Variants in RASAL1 observed in about 807,000 individuals in gnomAD.
RASAL1 encodes RAS protein activator like 1.
A neutral mutation model predicts 96.6 loss-of-function variants in RASAL1; 72 were observed. The observed-to-expected ratio is 0.75, with a 90% CI of 0.62 to 0.91. The LOEUF (loss-of-function observed/expected upper bound fraction) is 0.91. Among genes scored for constraint, RASAL1 ranks in the 40% least tolerant of loss-of-function variants. The pLI is 0.00. For synonymous variants in RASAL1, 405 were observed against 430.4 expected (o/e 0.94, Z 0.73); for missense variants, 1,016 against 1,072.5 (o/e 0.95, Z 0.74).
At chr12:113,131,246 G>GT (rs1306396822) in intron 1 of RASAL1, among the ~76,000 whole-genome samples, 14 of 147,344 alleles carry the variant, frequency 9.5e-5, no homozygotes, top group Non-Finnish European at 1.5e-5. Flanking sequence ...CAGAGCGTGT[G>GT]TGGGGGGGGT....
At chr12:113,134,079 C>G (rs1950566696) in intron 1 of RASAL1, among the ~76,000 whole-genome samples, 1 of 152,198 alleles carries the variant, frequency 6.6e-6, no homozygotes, top group African/African-American at 2.4e-5. Flanking sequence ...AGCCTGGCCT[C>G]AATGCCCTAA....
Position 113,135,439 on chromosome 12 carries a change from A to T in RASAL1, c.24T>A (p.Asn8Lys). 2 of 1,610,048 alleles carry T rather than the reference A, an allele frequency of 1.2e-6. No homozygotes were observed. The highest frequency in any genetic ancestry group is 2.2e-5 in the South Asian group (2 of 90,458). ...GCGCGCGGCCCTCCACCACGCGAAC[A>T]TTCAGGGAGCTGCTCTTGGCCATGG... MAKSSSL[N>K]VRVVEGRALP... The change falls in exon 1 of 21, where the codon AAT becomes AAA. Residue 8 changes from asparagine to lysine, a missense_variant. By Grantham distance (94) the Asn-to-Lys change is moderately conservative. Coordinates refer to ENST00000548055, the MANE Select transcript of RASAL1 (RefSeq NM_001301202.2). This position sits in a 1 kb window ranked among gnomAD's most constrained non-coding sequence, Gnocchi z 5.7.
At chr12:113,107,335 T>C (rs996054702) in intron 14 of RASAL1, 94 bp from the exon 15 acceptor site, 2 of 1,397,750 alleles carry the variant, frequency 1.4e-6, no homozygotes, top group Admixed American at 5.3e-5. Context: ...AAAAGAAGAC[T>C]CATATTGCCG....
chr12:113,100,519 G>A (rs1473469228), intron 20 of RASAL1, 109 bp downstream of exon 20: 22 of 933,246 alleles, frequency 2.4e-5, no homozygotes, highest in East Asian at 1.4e-4. Flanking sequence ...AGCTGATCTC[G>A]AACTCCTGAC....
chr12:113,127,722 T>G, intron 4 of RASAL1, 90 bp downstream of exon 4: 1 of 1,067,204 alleles, frequency 9.4e-7, no homozygotes, highest in South Asian at 1.5e-5. Flanking sequence ...CACTGAAGGC[T>G]CTGTGCTTCA....
Position 113,130,994 on chromosome 12 carries a change from T to G in RASAL1, c.66-53A>C. 1 of 1,416,618 alleles carries G rather than the reference T, an allele frequency of 7.1e-7. No individual in the cohort carries two copies. Among genetic ancestry groups the G allele is most frequent in the South Asian group, 1.2e-5 (1 of 84,560 alleles). 87.8% of individuals were successfully genotyped at this position (1,416,618 alleles called of 1,614,324 possible). Reference sequence around the variant, plus strand: ...AGCAGGTTGAGAGGGCAGCCATGAGTGGAGGGTCCCAGTCATGACACAGGC... The same window carrying G: ...AGCAGGTTGAGAGGGCAGCCATGAGGGGAGGGTCCCAGTCATGACACAGGC... On this transcript the variant is annotated intron_variant, in intron 1 of 20. Transcript: ENST00000548055. The surrounding 1 kb of genome is among the most constrained non-coding windows in gnomAD (Gnocchi z 5.1).
chr12:113,117,091 C>G lies in RASAL1; in HGVS notation c.713G>C (p.Arg238Thr). The G allele has an allele frequency of 6.2e-7, 1 of 1,607,874 alleles. No individual in the cohort carries two copies. Among genetic ancestry groups the G allele is most frequent in the Non-Finnish European group, 8.5e-7 (1 of 1,175,302 alleles). Residue 238 changes from arginine to threonine, a missense_variant, in exon 8 of 21, where the codon AGA becomes ACA. Arg to Thr is a moderately conservative substitution (Grantham distance 71). Transcript: ENST00000548055. ...CATTTACCCAGAATCCTCCTCGGCT[C>G]TGGGAAAGGGCAGGAGGCGGAACCA... ...KGWFRLLPFP[R>T]AEEDSGGNLG... is the part of the protein sequence containing the mutation.
chr12:113,112,235 C>A lies in RASAL1; in HGVS notation c.1225G>T (p.Glu409Ter), dbSNP rs868267174. Residue 409 changes from glutamate to a stop codon, truncating the protein, a stop_gained, in exon 13 of 21, where the codon GAG (glutamate) becomes TAG (stop). Coordinates refer to ENST00000548055, the MANE Select transcript of RASAL1 (RefSeq NM_001301202.2). LOFTEE classifies it high-confidence loss of function. ...CCCGTCAGCAGCCCCAGGCTGGTCTCCCGCATCTGCTCCTCCGAGAGTGCG... is the reference window on the plus strand; with the variant it reads ...CCCGTCAGCAGCCCCAGGCTGGTCTACCGCATCTGCTCCTCCGAGAGTGCG... ...KGALSEEQMR[E>*]TSLGLLTGYL... The A allele has an allele frequency of 7.9e-7, 1 of 1,267,518 alleles. No homozygotes were observed. The highest frequency in any genetic ancestry group is 1.0e-6 in the Non-Finnish European group (1 of 998,020). 78.5% of individuals were successfully genotyped at this position (1,267,518 alleles called of 1,614,324 possible).
chr12:113,130,979 G>A lies in RASAL1; in HGVS notation c.66-38C>T. ...GGAGTTCAGGGAGGAAGCAGGTTGA[G>A]AGGGCAGCCATGAGTGGAGGGTCCC... is the stretch of plus-strand genomic sequence containing the variant. On this transcript the variant is annotated intron_variant, in intron 1 of 20. Coordinates refer to ENST00000548055, the MANE Select transcript of RASAL1 (RefSeq NM_001301202.2). The surrounding 1 kb of genome is among the most constrained non-coding windows in gnomAD (Gnocchi z 5.1). The A allele has an allele frequency of 6.4e-7, 1 of 1,562,382 alleles. No homozygotes were observed. Among genetic ancestry groups the A allele is most frequent in the Non-Finnish European group, 8.8e-7 (1 of 1,135,810 alleles).
chr12:113,128,272 AC>A, intron 2 of RASAL1, 94 bp from the exon 3 acceptor site: 1 of 740,542 alleles, frequency 1.4e-6, no homozygotes, highest in Non-Finnish European at 2.3e-6. Context: ...ACACACACAC[AC>A]ACACACACGG....
In RASAL1 at chr12:113,104,230, C is replaced by T. The variant is rs1313930112; in HGVS notation, c.1899G>A (p.Leu633=). Residue 633 remains leucine (L), a synonymous_variant, in exon 17 of 21, where the codon CTG becomes CTA. Coordinates refer to ENST00000548055, the MANE Select transcript of RASAL1 (RefSeq NM_001301202.2). ...VERVDEGAFQ[L]PHVMQVVTQD... ...GCGTCACCACCTGCATCACGTGGGG[C>T]AGTTGGAAGGCGCCCTCGTCTACGC... is the stretch of plus-strand genomic sequence containing the variant. The T allele has an allele frequency of 1.9e-6, 3 of 1,607,148 alleles. No homozygotes were observed. The highest frequency in any genetic ancestry group is 1.7e-5 in the Admixed American group (1 of 58,918).
intron 2 of RASAL1, 67 bp from the exon 3 acceptor site, chr12:113,128,245 GACAC>G (rs4007310): frequency 0.051 from 28,446 of 557,352 alleles, 127 homozygotes; most frequent in African/African-American, 0.069. Context: ...TGGAGACCCA[GACAC>G]ACACACACAC....
At chr12:113,116,562 A>G (rs972434200) in intron 8 of RASAL1, among the ~76,000 whole-genome samples, 2 of 152,210 alleles carry the variant, frequency 1.3e-5, no homozygotes, top group Non-Finnish European at 2.9e-5. Context: ...GAACAGGCAT[A>G]AATAGGAATG....
intron 19 of RASAL1, 138 bp downstream of exon 19, chr12:113,101,744 ACCCAGTC>A: frequency 9.3e-7 from 1 of 1,070,084 alleles, no homozygotes; most frequent in Non-Finnish European, 1.3e-6. Flanking sequence ...CTGTGTAGAC[ACCCAGTC>A]CCCACCCTGG....
At chr12:113,134,579 C>T (rs1951842305) in intron 1 of RASAL1, among the ~76,000 whole-genome samples, 1 of 152,238 alleles carries the variant, frequency 6.6e-6, no homozygotes, top group Non-Finnish European at 1.5e-5. Flanking sequence ...AAATGTCCTC[C>T]AGAGGATCCC....
At chr12:113,122,800 T>C (rs890302845) in intron 4 of RASAL1, among the ~76,000 whole-genome samples, 4 of 152,242 alleles carry the variant, frequency 2.6e-5, no homozygotes, top group Non-Finnish European at 5.9e-5. Context: ...TTTTTTAAAA[T>C]TATTTCCTCT....
chr12:113,103,921 C>A, intron 18 of RASAL1, 25 bp downstream of exon 18: 1 of 1,545,270 alleles, frequency 6.5e-7, no homozygotes. Context: ...GAGGGCGGAG[C>A]CTGCAGTCCG....
At chr12:113,127,696 A>G (rs1951536112) in intron 4 of RASAL1, 116 bp downstream of exon 4, 2 of 852,898 alleles carry the variant, frequency 2.3e-6, no homozygotes, top group East Asian at 2.6e-5. Flanking sequence ...CAAAAGCAAC[A>G]AGAGAAATAA....
chr12:113,104,129 G>A, intron 17 of RASAL1, 32 bp downstream of exon 17: 1 of 1,589,294 alleles, frequency 6.3e-7, no homozygotes, highest in Non-Finnish European at 8.6e-7. Context: ...ACAGAGGGAC[G>A]CCCCCCGCTC....
Sources: gnomAD v4.1 joint callset for allele counts (sites outside exome capture counted in the v4.1 genomes callset) on GRCh38, gnomAD v4.1.1 for gene constraint, Gnocchi (gnomAD v3.1) non-coding constraint, MANE v1.5 for transcripts, NCBI Gene and HGNC (gene_info 2026-07-23, HGNC 2026-07-21) for gene names.